Variants in LRRC37A2 observed in about 807,000 individuals in gnomAD.
LRRC37A2 encodes the protein leucine-rich repeat-containing protein 37A2.
LRRC37A2 carries 9 observed loss-of-function variants against 68.8 expected under a neutral mutation model. The observed-to-expected ratio is 0.13, with a 90% confidence interval of 0.08 to 0.23. The LOEUF (loss-of-function observed/expected upper bound fraction) is 0.23, where lower values mean the gene tolerates loss of function less well. Among genes scored for constraint, LRRC37A2 ranks in the 10% least tolerant of loss-of-function variants. LRRC37A2 has a pLI of 1.00. For synonymous variants in LRRC37A2, 63 were observed against 367.6 expected, an observed-to-expected ratio of 0.17 and a Z score of 9.48; for missense variants, 168 against 950.4, an observed-to-expected ratio of 0.18 and a Z score of 10.82.
the LRRC37A2 span, among the ~76,000 whole-genome samples, chr17:46,982,953 G>A: frequency 2.6e-5 from 4 of 152,160 alleles, no homozygotes; most frequent in Non-Finnish European, 4.4e-5. Flanking sequence ...AGCTACAGTT[G>A]GGCTCATTAG....
the LRRC37A2 span, among the ~76,000 whole-genome samples, chr17:46,894,906 G>A: frequency 2.0e-5 from 3 of 152,258 alleles, no homozygotes; most frequent in Non-Finnish European, 4.4e-5. Flanking sequence ...CCCGGGCCAT[G>A]CAAGCCGGAA....
the LRRC37A2 span, among the ~76,000 whole-genome samples, chr17:46,951,222 G>A: frequency 1.7e-4 from 26 of 152,326 alleles, no homozygotes; most frequent in South Asian, 2.3e-3. Flanking sequence ...CAGCCCACAG[G>A]CTTGGCTGGA....
the LRRC37A2 span, among the ~76,000 whole-genome samples, chr17:46,838,874 A>G: frequency 3.3e-5 from 5 of 151,954 alleles, 1 homozygote; most frequent in African/African-American, 1.2e-4. Flanking sequence ...TTTCTTTTCT[A>G]AAGAATTTTG....
At chr17:46,750,015 A>G in the LRRC37A2 span, 1 of 1,266,810 alleles carries the variant, frequency 7.9e-7, no homozygotes, top group Non-Finnish European at 1.1e-6. Flanking sequence ...AATCTGGAAC[A>G]TGGGACCCGG....
the LRRC37A2 span, chr17:46,694,391 T>C: frequency 8.8e-7 from 1 of 1,138,334 alleles, no homozygotes; most frequent in Non-Finnish European, 1.2e-6. Context: ...TGTCTCAAAA[T>C]AATAGTAATA....
chr17:46,813,470 CG>C, the LRRC37A2 span, among the ~76,000 whole-genome samples: 1 of 20,020 alleles, frequency 5.0e-5, no homozygotes, highest in Non-Finnish European at 9.9e-5. Context: ...TAACCTTTGG[CG>C]GGGGGTGGGG....
the LRRC37A2 span, among the ~76,000 whole-genome samples, chr17:46,778,601 C>A: frequency 1.3e-4 from 20 of 152,274 alleles, no homozygotes; most frequent in African/African-American, 4.8e-4. Flanking sequence ...ACTCGCCACT[C>A]CTATTCCCCA....
chr17:46,957,964 C>T, the LRRC37A2 span, among the ~76,000 whole-genome samples: 1 of 152,328 alleles, frequency 6.6e-6, no homozygotes, highest in South Asian at 2.1e-4. Flanking sequence ...GGAGATCTGA[C>T]TGAGCGACTC....
chr17:46,934,010 A>G, the LRRC37A2 span, among the ~76,000 whole-genome samples: 1 of 151,786 alleles, frequency 6.6e-6, no homozygotes, highest in Non-Finnish European at 1.5e-5. Context: ...GGCAGAAAAG[A>G]GAAGGGAACG....
At chr17:46,490,097 T>C in the LRRC37A2 span, among the ~76,000 whole-genome samples, 4,621 of 150,844 alleles carry the variant, frequency 0.031, 170 homozygotes, top group Admixed American at 0.066. Flanking sequence ...CTGTACAGTA[T>C]AGGATGGACT....
chr17:46,721,925 C>T, the LRRC37A2 span: 5 of 1,592,780 alleles, frequency 3.1e-6, no homozygotes, highest in African/African-American at 2.7e-5. Flanking sequence ...CTCCAATTCG[C>T]GTACTAGCCG....
At chr17:46,499,220 G>GC in the LRRC37A2 span, among the ~76,000 whole-genome samples, 1 of 140,616 alleles carries the variant, frequency 7.1e-6, no homozygotes, top group African/African-American at 3.0e-5. Flanking sequence ...AGTGAGGCAG[G>GC]CGAGTGGCTT....
the LRRC37A2 span, among the ~76,000 whole-genome samples, chr17:46,853,363 CT>C: frequency 0.026 from 2,088 of 78,836 alleles, 27 homozygotes; most frequent in African/African-American, 0.07. Flanking sequence ...ATGCTAGTGA[CT>C]TTTTTTTTTT....
At chr17:46,818,724 C>T in the LRRC37A2 span, 2 of 918,466 alleles carry the variant, frequency 2.2e-6, no homozygotes, top group Non-Finnish European at 3.5e-6. Flanking sequence ...CGCACCTCCA[C>T]CCGCAGCCGC....
intron 8 of LRRC37A2, among the ~76,000 whole-genome samples, chr17:46,544,681 A>G (rs2056010965): frequency 1.2e-5 from 1 of 83,366 alleles, no homozygotes; most frequent in Non-Finnish European, 2.1e-5. Context: ...TATACTGCCT[A>G]AGATTAACCT....
chr17:46,958,362 A>G, the LRRC37A2 span, among the ~76,000 whole-genome samples: 1 of 152,256 alleles, frequency 6.6e-6, no homozygotes, highest in African/African-American at 2.4e-5. Context: ...TCCACTCCTG[A>G]CAGTTGCAAC....
At chr17:46,926,802 A>T in the LRRC37A2 span, among the ~76,000 whole-genome samples, 1 of 152,208 alleles carries the variant, frequency 6.6e-6, no homozygotes, top group Admixed American at 6.5e-5. Flanking sequence ...GATTGGTTCA[A>T]AGCAAATAGA....
the LRRC37A2 span, among the ~76,000 whole-genome samples, chr17:46,870,012 A>G: frequency 6.6e-6 from 1 of 152,174 alleles, no homozygotes; most frequent in Non-Finnish European, 1.5e-5. Context: ...AAAAAATGTT[A>G]TATATCATGT....
At chr17:47,037,924 G>A in the LRRC37A2 span, among the ~76,000 whole-genome samples, 4 of 152,098 alleles carry the variant, frequency 2.6e-5, no homozygotes, top group African/African-American at 9.7e-5. Flanking sequence ...TTGTTTATAT[G>A]TATAATCCTT....
Sources: allele counts gnomAD v4.1 joint callset (sites outside exome capture counted in the v4.1 genomes callset), GRCh38; gene constraint gnomAD v4.1.1; transcripts MANE v1.5; gene names NCBI Gene and HGNC (gene_info 2026-07-23, HGNC 2026-07-21).